Variants in FBXL17 observed in about 807,000 individuals in gnomAD.
FBXL17 encodes F-box and leucine rich repeat protein 17, also known as F-box/LRR-repeat protein 17.
A neutral mutation model predicts 66.2 loss-of-function variants in FBXL17; 22 were observed. That is an observed-to-expected ratio of 0.33 (90% CI 0.24 to 0.47). The LOEUF (loss-of-function observed/expected upper bound fraction) is 0.47, where lower values mean the gene tolerates loss of function less well. Among genes scored for constraint, FBXL17 ranks in the 20% least tolerant of loss-of-function variants. The pLI, the probability that FBXL17 is intolerant of heterozygous loss-of-function variation, is 1.00. For missense variants in FBXL17, 878 were observed against 948.2 expected, an observed-to-expected ratio of 0.93 and a Z score of 0.97; for synonymous variants, 474 against 400.5, an observed-to-expected ratio of 1.18 and a Z score of -2.19.
chr5:107,924,848 C>T (rs1750450337), intron 7 of FBXL17, among the ~76,000 whole-genome samples: 3 of 152,190 alleles, frequency 2.0e-5, no homozygotes, highest in Non-Finnish European at 4.4e-5. Context: ...AACACTTGCT[C>T]AGCTGCAGAG....
At chr5:108,234,909 T>A (rs1755529570) in intron 4 of FBXL17, among the ~76,000 whole-genome samples, 1 of 152,212 alleles carries the variant, frequency 6.6e-6, no homozygotes, top group Non-Finnish European at 1.5e-5. Context: ...GGAAAGCTCT[T>A]CTATAAATTT....
At chr5:107,956,122 T>C (rs1751656349) in intron 7 of FBXL17, among the ~76,000 whole-genome samples, 1 of 152,158 alleles carries the variant, frequency 6.6e-6, no homozygotes, top group Admixed American at 6.6e-5. Flanking sequence ...AATTTCTTTT[T>C]CCTTCAAGTG....
chr5:107,922,155 G>A (rs895617905), intron 7 of FBXL17, among the ~76,000 whole-genome samples: 4 of 152,144 alleles, frequency 2.6e-5, no homozygotes, highest in East Asian at 1.9e-4. Context: ...CTCTGAAAGC[G>A]GATGGTTTGC....
intron 6 of FBXL17, among the ~76,000 whole-genome samples, chr5:108,049,706 C>T (rs1037949251): frequency 2.6e-5 from 4 of 152,130 alleles, no homozygotes; most frequent in Admixed American, 6.5e-5. Flanking sequence ...CAGCTAGCAT[C>T]ATGATGACAG....
chr5:108,058,975 T>C (rs935486994), intron 6 of FBXL17, among the ~76,000 whole-genome samples: 5 of 152,152 alleles, frequency 3.3e-5, no homozygotes, highest in African/African-American at 1.2e-4. Flanking sequence ...ACAAAACAGG[T>C]AGACTTCATT....
intron 3 of FBXL17, among the ~76,000 whole-genome samples, chr5:108,357,938 T>C (rs1748107037): frequency 6.6e-6 from 1 of 152,138 alleles, no homozygotes; most frequent in South Asian, 2.1e-4. Flanking sequence ...GGCAAATTTA[T>C]ACTTTTGGAT....
chr5:108,356,843 A>G (rs1233729881), intron 3 of FBXL17, among the ~76,000 whole-genome samples: 1 of 152,106 alleles, frequency 6.6e-6, no homozygotes, highest in East Asian at 1.9e-4. Context: ...AGATATATCA[A>G]TGAAGATTTA....
At chr5:108,327,165 T>C (rs1423510603) in intron 4 of FBXL17, among the ~76,000 whole-genome samples, 1 of 152,210 alleles carries the variant, frequency 6.6e-6, no homozygotes, top group Non-Finnish European at 1.5e-5. Context: ...AACTATGATA[T>C]ACATACAATA....
intron 7 of FBXL17, among the ~76,000 whole-genome samples, chr5:107,979,699 C>A (rs902060990): frequency 1.3e-5 from 2 of 152,100 alleles, no homozygotes; most frequent in South Asian, 4.1e-4. Flanking sequence ...TTGGTAAGGA[C>A]CATTTCTATT....
At chr5:108,302,290 C>A (rs1001322180) in intron 4 of FBXL17, among the ~76,000 whole-genome samples, 1 of 151,662 alleles carries the variant, frequency 6.6e-6, no homozygotes, top group Admixed American at 6.6e-5. Context: ...AACTGAAGAA[C>A]AATTTCTTTC....
chr5:108,328,559 T>C (rs895137757), intron 4 of FBXL17, among the ~76,000 whole-genome samples: 4 of 152,024 alleles, frequency 2.6e-5, no homozygotes, highest in East Asian at 1.9e-4. Flanking sequence ...GAAAATGCAA[T>C]ATAATTTTTG....
chr5:108,036,150 G>A (rs761025370), intron 6 of FBXL17, among the ~76,000 whole-genome samples: 2 of 151,880 alleles, frequency 1.3e-5, no homozygotes, highest in African/African-American at 2.4e-5. Flanking sequence ...AGTTTTTTTT[G>A]TTGCTGTTCA....
intron 4 of FBXL17, among the ~76,000 whole-genome samples, chr5:108,243,087 C>T (rs1056017736): frequency 2.6e-5 from 4 of 152,030 alleles, no homozygotes; most frequent in African/African-American, 9.7e-5. Context: ...TTCTATCTTG[C>T]TTAGTGCTAG....
chr5:108,025,819 T>TC (rs1754799665), intron 6 of FBXL17, among the ~76,000 whole-genome samples: 2 of 151,082 alleles, frequency 1.3e-5, no homozygotes, highest in East Asian at 3.9e-4. Context: ...GAGCAAACAG[T>TC]CCAATTCCAT....
chr5:108,040,851 GC>G (rs1288678053), intron 6 of FBXL17, among the ~76,000 whole-genome samples: 22 of 152,140 alleles, frequency 1.4e-4, no homozygotes, highest in African/African-American at 5.3e-4. Flanking sequence ...GTGGAGTGCA[GC>G]TTTGGCATTG....
At chr5:107,915,262 C>T (rs1043450427) in intron 7 of FBXL17, among the ~76,000 whole-genome samples, 3 of 152,118 alleles carry the variant, frequency 2.0e-5, no homozygotes, top group South Asian at 4.1e-4. Flanking sequence ...AACATTTTTG[C>T]CAATTTTTTA....
At chr5:108,076,415 A>G (rs1042936344) in intron 6 of FBXL17, among the ~76,000 whole-genome samples, 3 of 152,228 alleles carry the variant, frequency 2.0e-5, no homozygotes, top group African/African-American at 7.2e-5. Flanking sequence ...TTCACTGAAA[A>G]TAAGTGTTAT....
chr5:108,247,292 T>C (rs949836784), intron 4 of FBXL17, among the ~76,000 whole-genome samples: 7 of 151,872 alleles, frequency 4.6e-5, no homozygotes, highest in African/African-American at 1.7e-4. Flanking sequence ...CCAAAGATAA[T>C]TCCAGAGATG....
At position 107,861,781 on chromosome 5, in the gene FBXL17, C is replaced by T; in HGVS notation, c.2045G>A (p.Arg682Lys). Residue 682 changes from arginine (R) to lysine (K), a missense_variant, in exon 9 of 9, where the codon AGG becomes AAG. Arg to Lys is a conservative substitution (Grantham distance 26). Transcript: ENST00000542267. ...TFSTVLQDCKRTLERAYQMGW... is the reference protein window; with the variant it reads ...TFSTVLQDCKKTLERAYQMGW... The stretch of plus-strand genomic sequence containing the variant: ...CATCTGATAGGCTCTCTCCAAGGTC[C>T]TCTTGCAGTCCTGCAGGACGGTGCT... The T allele has an allele frequency of 1.9e-6, 3 of 1,587,462 alleles. No homozygotes were observed. The highest frequency in any genetic ancestry group is 2.3e-5 in the South Asian group (2 of 87,390).
Sources: gnomAD v4.1 joint callset for allele counts (sites outside exome capture counted in the v4.1 genomes callset) on GRCh38, gnomAD v4.1.1 for gene constraint, MANE v1.5 for transcripts, NCBI Gene and HGNC (gene_info 2026-07-23, HGNC 2026-07-21) for gene names.